Variants in KALRN observed in about 807,000 individuals in gnomAD.
The protein encoded by KALRN is kalirin RhoGEF kinase.
Under a neutral mutation model 353.7 loss-of-function variants are expected in KALRN, and 70 were observed. That is an observed-to-expected ratio of 0.20 (90% CI 0.16 to 0.24). The LOEUF (loss-of-function observed/expected upper bound fraction) is 0.24. KALRN is among the 10% of genes least tolerant of loss of function. The pLI is 1.00. For missense variants in KALRN, 2,791 were observed against 3,756.7 expected (o/e 0.74, Z 6.72); for synonymous variants, 1,391 against 1,434.8 (o/e 0.97, Z 0.69).
At chr3:124,513,302 A>G (rs77213107) in intron 33 of KALRN, among the ~76,000 whole-genome samples, 16,797 of 152,232 alleles carry the variant, frequency 0.11, 1,118 homozygotes, top group Non-Finnish European at 0.15. Flanking sequence ...AATTCATGAG[A>G]CATTTTCATG....
chr3:124,506,807 G>C (rs1344947110), intron 33 of KALRN, among the ~76,000 whole-genome samples: 2 of 152,126 alleles, frequency 1.3e-5, no homozygotes, highest in African/African-American at 2.4e-5. Flanking sequence ...TTTACACATG[G>C]AAAACAGATT....
intron 5 of KALRN, among the ~76,000 whole-genome samples, chr3:124,291,632 G>A (rs1431533346): frequency 3.3e-5 from 5 of 152,182 alleles, no homozygotes; most frequent in African/African-American, 4.8e-5. Context: ...ATTTGGGTAT[G>A]GAAGGTGTAA....
intron 33 of KALRN, among the ~76,000 whole-genome samples, chr3:124,554,316 T>C (rs143410069): frequency 1.5e-4 from 23 of 152,282 alleles, no homozygotes; most frequent in Middle Eastern, 3.4e-3. Flanking sequence ...GTGAATTAAG[T>C]TGGGGTTTTT....
intron 43 of KALRN, among the ~76,000 whole-genome samples, chr3:124,660,420 G>A (rs1352801075): frequency 2.6e-5 from 4 of 152,092 alleles, no homozygotes; most frequent in African/African-American, 4.8e-5. Flanking sequence ...AGTCACTCAC[G>A]CCTGTAATCC....
intron 32 of KALRN, among the ~76,000 whole-genome samples, chr3:124,493,371 C>CTTCA (rs1288350125): frequency 6.6e-6 from 1 of 152,148 alleles, no homozygotes; most frequent in African/African-American, 2.4e-5. Context: ...GAGACCTCAC[C>CTTCA]TTCATTCACC....
At chr3:124,359,051 G>T (rs981611851) in intron 10 of KALRN, among the ~76,000 whole-genome samples, 2 of 152,212 alleles carry the variant, frequency 1.3e-5, no homozygotes, top group African/African-American at 4.8e-5. Context: ...CACTGTGGCT[G>T]TAGGACCCCT....
intron 33 of KALRN, among the ~76,000 whole-genome samples, chr3:124,556,111 T>C (rs1474641210): frequency 1.3e-5 from 2 of 152,146 alleles, no homozygotes; most frequent in Non-Finnish European, 2.9e-5. Flanking sequence ...GCCTCCTGAT[T>C]CCCACTCCTG....
At chr3:124,679,788 T>TA in intron 51 of KALRN, 2 of 513,686 alleles carry the variant, frequency 3.9e-6, no homozygotes, top group South Asian at 4.2e-5. Flanking sequence ...GGTTTGACTT[T>TA]ATGTAGAAAA....
At chr3:124,432,577 A>G (rs367623492) in intron 16 of KALRN, among the ~76,000 whole-genome samples, 1 of 152,208 alleles carries the variant, frequency 6.6e-6, no homozygotes, top group Non-Finnish European at 1.5e-5. Context: ...TTTATCTTCA[A>G]TGAAAAGGTT....
intron 1 of KALRN, among the ~76,000 whole-genome samples, chr3:124,154,973 A>G (rs960121262): frequency 1.7e-4 from 26 of 152,334 alleles, no homozygotes; most frequent in Non-Finnish European, 3.1e-4. Flanking sequence ...CAACTATCTG[A>G]CCTTTGACAA....
rs1444268451 is a variant in KALRN at position 124,702,038 on chromosome 3, A to ATGC, written c.8006_8008dup (p.Ala2669dup). The ATGC allele has an allele frequency of 6.2e-7, 1 of 1,612,456 alleles. No individual in the cohort carries two copies. The highest frequency in any genetic ancestry group is 2.2e-5 in the East Asian group (1 of 44,872). ...TAAATGGATTCTCTTTCTTCCGAAG[A>ATGC]TGCTGCTGCTGATGGTGCCACCATT... On this transcript the variant is annotated inframe_insertion and splice_region_variant, in exon 57 of 60. Coordinates refer to ENST00000682506, the MANE Select transcript of KALRN (RefSeq NM_001388419.1).
At chr3:124,489,190 C>T (rs1483996411) in intron 29 of KALRN, among the ~76,000 whole-genome samples, 1 of 152,060 alleles carries the variant, frequency 6.6e-6, no homozygotes, top group Admixed American at 6.5e-5. Flanking sequence ...GCCTGTAATC[C>T]CAGCTACTCG....
At chr3:124,357,865 A>T (rs975793069) in intron 10 of KALRN, among the ~76,000 whole-genome samples, 2 of 152,228 alleles carry the variant, frequency 1.3e-5, no homozygotes, top group Non-Finnish European at 1.5e-5. Flanking sequence ...CATGCAATGG[A>T]TACTTGAAAG....
chr3:124,093,427 C>T lies in KALRN; in HGVS notation c.73+59614C>T, dbSNP rs552830704. 4.6e-5 allele frequency among the ~76,000 whole-genome samples: 7 copies of T among 152,340 alleles called. No homozygotes were observed. In the South Asian group the frequency reaches 1.4e-3, roughly 32 times the overall value. On this transcript the variant is annotated intron_variant, in intron 1 of 59. Transcript: ENST00000682506. ...GCTTGGAGAACAAGGTCATCCTAGA[C>T]CTGGGGACTCCTCAGGTTTCATTTC...
At chr3:124,195,815 C>G (rs1239534650) in intron 1 of KALRN, among the ~76,000 whole-genome samples, 1 of 152,212 alleles carries the variant, frequency 6.6e-6, no homozygotes, top group African/African-American at 2.4e-5. Context: ...TGCCTACCTG[C>G]CAGAAATCTA....
At chr3:124,444,613 C>T (rs1471389985) in intron 19 of KALRN, among the ~76,000 whole-genome samples, 1 of 149,850 alleles carries the variant, frequency 6.7e-6, no homozygotes, top group East Asian at 2.0e-4. Context: ...GCCTGGGCAA[C>T]ATAGTGAGAC....
intron 33 of KALRN, among the ~76,000 whole-genome samples, chr3:124,526,998 C>T (rs1003725742): frequency 3.9e-5 from 6 of 152,168 alleles, no homozygotes. Flanking sequence ...TTCCTGCCCT[C>T]ATGGAGTTTA....
intron 5 of KALRN, among the ~76,000 whole-genome samples, chr3:124,292,033 CA>C: frequency 6.6e-6 from 1 of 152,282 alleles, no homozygotes; most frequent in South Asian, 2.1e-4. Context: ...TGAGATGTCA[CA>C]TTCTTTCAGT....
At chr3:124,677,473 C>T in intron 49 of KALRN, 1 of 399,828 alleles carries the variant, frequency 2.5e-6, no homozygotes, top group Non-Finnish European at 4.9e-6. Flanking sequence ...CTCTCACCTC[C>T]CTGGGAGCAC....
Sources: gnomAD v4.1 joint callset for allele counts (sites outside exome capture counted in the v4.1 genomes callset) on GRCh38, gnomAD v4.1.1 for gene constraint, MANE v1.5 for transcripts, NCBI Gene and HGNC (gene_info 2026-07-23, HGNC 2026-07-21) for gene names.